WWOX: variants seen among roughly 807,000 people sequenced by gnomAD.
WWOX encodes WW domain containing oxidoreductase.
Under a neutral mutation model 46.2 loss-of-function variants are expected in WWOX, and 69 were observed. The observed-to-expected ratio is 1.49, with a 90% CI of 1.23 to 1.82. The LOEUF is 1.82. Ranked by LOEUF, WWOX falls within the 40% of genes most tolerant of loss-of-function variation. The pLI is 0.00. For synonymous variants in WWOX, 359 were observed against 202.6 expected, an observed-to-expected ratio of 1.77 and a Z score of -6.56; for missense variants, 919 against 542.6, an observed-to-expected ratio of 1.69 and a Z score of -6.89.
At chr16:79,075,847 C>T (rs936657599) in intron 8 of WWOX, among the ~76,000 whole-genome samples, 1 of 152,070 alleles carries the variant, frequency 6.6e-6, no homozygotes, top group Non-Finnish European at 1.5e-5. Flanking sequence ...TTATAACTAT[C>T]TCAAAAAAAC....
intron 8 of WWOX, among the ~76,000 whole-genome samples, chr16:78,632,003 A>G (rs1239986729): frequency 6.7e-6 from 1 of 149,522 alleles, no homozygotes; most frequent in Admixed American, 6.6e-5. Context: ...CAAAGTTGAC[A>G]ACCTGATTTC....
chr16:78,931,829 A>T (rs943003892), intron 8 of WWOX, among the ~76,000 whole-genome samples: 2 of 152,200 alleles, frequency 1.3e-5, no homozygotes, highest in Admixed American at 1.3e-4. Flanking sequence ...TTTAGCTCCC[A>T]TAATCCCCAC....
Position 78,983,572 on chromosome 16 carries a change from C to A in WWOX, c.1057-228036C>A, listed in dbSNP as rs549100732. 9.9e-5 allele frequency among the ~76,000 whole-genome samples: 15 copies of A among 152,262 alleles called. No homozygotes were observed. The East Asian group carries it at 2.9e-3, about 29-fold the overall frequency. ...GTGGGGCTAAATGTTCAGCCTGTCTCCCTTTTCTCCTTGCCACACCACTAG... is the reference window on the plus strand; with the variant it reads ...GTGGGGCTAAATGTTCAGCCTGTCTACCTTTTCTCCTTGCCACACCACTAG... On this transcript the variant is annotated intron_variant, in intron 8 of 8. Coordinates refer to ENST00000566780, the MANE Select transcript of WWOX (RefSeq NM_016373.4).
chr16:78,385,756 A>T (rs2082047589), intron 5 of WWOX, among the ~76,000 whole-genome samples: 1 of 152,286 alleles, frequency 6.6e-6, no homozygotes, highest in Non-Finnish European at 1.5e-5. Flanking sequence ...CTTAAGCATC[A>T]CAGTCTAGAC....
chr16:78,554,603 G>A (rs904544502), intron 8 of WWOX, among the ~76,000 whole-genome samples: 1 of 152,036 alleles, frequency 6.6e-6, no homozygotes, highest in Non-Finnish European at 1.5e-5. Context: ...ACACACACAG[G>A]TACACACAAA....
intron 8 of WWOX, among the ~76,000 whole-genome samples, chr16:78,846,554 A>G (rs1355242162): frequency 1.3e-5 from 2 of 152,086 alleles, no homozygotes; most frequent in Non-Finnish European, 2.9e-5. Flanking sequence ...TTTGGGAGGA[A>G]TATACATAAG....
chr16:78,828,024 A>G (rs760349253), intron 8 of WWOX, among the ~76,000 whole-genome samples: 37 of 152,188 alleles, frequency 2.4e-4, no homozygotes, highest in Non-Finnish European at 4.3e-4. Flanking sequence ...CTGGGTGTCA[A>G]GAGGTGCACA....
rs188724895 is a variant in WWOX at position 78,495,606 on chromosome 16, T to C, written c.1056+62854T>C. Among the ~76,000 whole-genome samples the C allele has an allele frequency of 8.3e-3, 1,264 of 151,740 alleles. 17 individuals carry two copies. The highest frequency in any genetic ancestry group is 9.1e-3 in the Non-Finnish European group (620 of 67,944). On this transcript the variant is annotated intron_variant, in intron 8 of 8. Coordinates refer to ENST00000566780, the MANE Select transcript of WWOX (RefSeq NM_016373.4). ...TCACTGCAACCTCCACCTCCTGGGTTCAAGTGACTCTCTTGCCTCAACCTC... is the reference window on the plus strand; with the variant it reads ...TCACTGCAACCTCCACCTCCTGGGTCCAAGTGACTCTCTTGCCTCAACCTC...
intron 5 of WWOX, among the ~76,000 whole-genome samples, chr16:78,248,195 T>C (rs1436907991): frequency 6.6e-6 from 1 of 152,122 alleles, no homozygotes; most frequent in Non-Finnish European, 1.5e-5. Flanking sequence ...TAGCATCTGC[T>C]TGGCTTCTGG....
chr16:79,189,136 C>T (rs551313500), intron 8 of WWOX, among the ~76,000 whole-genome samples: 1 of 152,252 alleles, frequency 6.6e-6, no homozygotes, highest in Admixed American at 6.5e-5. Flanking sequence ...GGTATTGCCC[C>T]TGGGACATTG....
intron 8 of WWOX, among the ~76,000 whole-genome samples, chr16:79,022,907 A>G (rs1288352257): frequency 6.6e-6 from 1 of 152,224 alleles, no homozygotes; most frequent in Non-Finnish European, 1.5e-5. Flanking sequence ...TCCCCTGAGC[A>G]TCAGTTTACT....
intron 8 of WWOX, chr16:78,691,338 C>T (rs117970920): frequency 2.9e-6 from 2 of 699,166 alleles, no homozygotes; most frequent in East Asian, 2.7e-5. Context: ...TCATTTTCAA[C>T]ATAGCTTTAT....
chr16:78,774,267 A>G (rs893491341), intron 8 of WWOX, among the ~76,000 whole-genome samples: 27 of 152,058 alleles, frequency 1.8e-4, no homozygotes, highest in Non-Finnish European at 4.0e-4. Flanking sequence ...TGGGCGTGGT[A>G]GCAGGCGCCT....
At chr16:78,197,855 A>G (rs2036103952) in intron 5 of WWOX, among the ~76,000 whole-genome samples, 1 of 152,176 alleles carries the variant, frequency 6.6e-6, no homozygotes, top group African/African-American at 2.4e-5. Flanking sequence ...GCAGAATTTG[A>G]AAACAGAGCC....
intron 8 of WWOX, among the ~76,000 whole-genome samples, chr16:78,589,234 G>A (rs560209697): frequency 6.6e-6 from 1 of 152,350 alleles, no homozygotes; most frequent in African/African-American, 2.4e-5. Flanking sequence ...GGAGGGAACA[G>A]AGGGAGAAGG....
intron 8 of WWOX, among the ~76,000 whole-genome samples, chr16:79,040,580 T>G (rs1480400607): frequency 6.6e-6 from 1 of 152,094 alleles, no homozygotes; most frequent in Non-Finnish European, 1.5e-5. Flanking sequence ...CTGGCCTGAG[T>G]TGATAATTTT....
intron 6 of WWOX, among the ~76,000 whole-genome samples, chr16:78,388,980 A>AT (rs971227743): frequency 1.7e-4 from 26 of 152,008 alleles, no homozygotes; most frequent in Admixed American, 2.6e-4. Context: ...AAAAAAAAAA[A>AT]AAAAAATTGA....
intron 8 of WWOX, among the ~76,000 whole-genome samples, chr16:78,515,615 G>C (rs547215595): frequency 1.3e-5 from 2 of 152,158 alleles, no homozygotes; most frequent in Admixed American, 6.5e-5. Flanking sequence ...AGCCAGGCCG[G>C]ATGCCTAGGT....
chr16:78,781,071 C>G (rs377363471), intron 8 of WWOX, among the ~76,000 whole-genome samples: 1 of 152,120 alleles, frequency 6.6e-6, no homozygotes, highest in Non-Finnish European at 1.5e-5. Context: ...AAAACAGAAG[C>G]CTCCTAATTA....
Sources: allele counts gnomAD v4.1 joint callset (sites outside exome capture counted in the v4.1 genomes callset), GRCh38; gene constraint gnomAD v4.1.1; transcripts MANE v1.5; gene names NCBI Gene and HGNC (gene_info 2026-07-23, HGNC 2026-07-21).